MAK16: variants seen among roughly 807,000 people sequenced by gnomAD.
MAK16 encodes MAK16 homolog.
In MAK16, 12 loss-of-function variants were observed where a neutral mutation model predicts 49.9. That is an observed-to-expected ratio of 0.24 (90% CI 0.15 to 0.39). The LOEUF (loss-of-function observed/expected upper bound fraction) is 0.39. Among genes scored for constraint, MAK16 ranks in the 10% least tolerant of loss-of-function variants. The pLI is 1.00. For synonymous variants in MAK16, 115 were observed against 126.4 expected (o/e 0.91, Z 0.60); for missense variants, 292 against 363.7 (o/e 0.80, Z 1.60).
rs1809037255 is a variant in MAK16 at position 33,500,534 on chromosome 8, T to C, written c.*1905T>C. ...GCTATGTTCATACTCTAAATCTGGA[T>C]ATTAAAATTGGAAGAGACTTCAAAG... On this transcript the variant is annotated 3_prime_UTR_variant, in exon 10 of 10. Transcript: ENST00000360128. The C allele has an allele frequency of 6.2e-7, 1 of 1,608,472 alleles. No individual in the cohort carries two copies. Among genetic ancestry groups the C allele is most frequent in the African/African-American group, 1.3e-5 (1 of 74,652 alleles).
At chr8:33,490,069 T>C (rs1808753026) in intron 5 of MAK16, among the ~76,000 whole-genome samples, 1 of 152,204 alleles carries the variant, frequency 6.6e-6, no homozygotes, top group Admixed American at 6.5e-5. Context: ...GTTTAGTGTA[T>C]CTTGCTGTAT....
chr8:33,499,910 A>G lies in MAK16; in HGVS notation c.*1281A>G, dbSNP rs1809002462. On this transcript the variant is annotated 3_prime_UTR_variant, in exon 10 of 10. Transcript: ENST00000360128. ...TAAGAATAGGGAAAAACATCTACCTAAAAGATGGTTGTCCCTAAAAAACTG... is the reference window on the plus strand; with the variant it reads ...TAAGAATAGGGAAAAACATCTACCTGAAAGATGGTTGTCCCTAAAAAACTG... 6.3e-6 allele frequency: 1 copy of G among 158,824 alleles called. No homozygotes were observed. The highest frequency in any genetic ancestry group is 2.4e-5 in the African/African-American group (1 of 41,500). 9.8% of individuals were successfully genotyped at this position (158,824 alleles called of 1,614,324 possible).
chr8:33,498,365 C>T, intron 9 of MAK16, 67 bp from the exon 10 acceptor site: 1 of 1,391,450 alleles, frequency 7.2e-7, no homozygotes, highest in Non-Finnish European at 1.0e-6. Flanking sequence ...ATTGAGGGGA[C>T]AAGGAAGGGA....
chr8:33,501,250 AT>A lies in MAK16; in HGVS notation c.*2624del, dbSNP rs1214665442. On this transcript the variant is annotated 3_prime_UTR_variant, in exon 10 of 10. Coordinates refer to ENST00000360128, the MANE Select transcript of MAK16 (RefSeq NM_032509.4). ...CAATGTGAAATGTACAATAAATCAT[AT>A]TTATGGACAGATGCGTGACTGGGAG... 2 of 152,214 alleles carry A rather than the reference AT, an allele frequency of 1.3e-5. No individual in the cohort carries two copies. The highest frequency in any genetic ancestry group is 4.8e-5 in the African/African-American group (2 of 41,458). 9.4% of individuals were successfully genotyped at this position (152,214 alleles called of 1,614,324 possible). A position where few individuals can be genotyped will look rare whatever the true frequency, so the allele number is the denominator to read the frequency against.
At chr8:33,486,265 G>A (rs1808684975) in intron 1 of MAK16, among the ~76,000 whole-genome samples, 1 of 152,154 alleles carries the variant, frequency 6.6e-6, no homozygotes, top group South Asian at 2.1e-4. Flanking sequence ...GACAAAGGTT[G>A]CTTCAAGCCA....
intron 6 of MAK16, among the ~76,000 whole-genome samples, chr8:33,491,185 T>C (rs1183031662): frequency 6.6e-6 from 1 of 152,230 alleles, no homozygotes; most frequent in Non-Finnish European, 1.5e-5. Context: ...CATTCATCTA[T>C]TGATGGACAC....
intron 9 of MAK16, 43 bp from the exon 10 acceptor site, chr8:33,498,389 T>C (rs776509764): frequency 2.5e-5 from 39 of 1,575,132 alleles, no homozygotes; most frequent in South Asian, 4.5e-5. Flanking sequence ...TGGAGAAATC[T>C]AGTGTTTTCC....
At chr8:33,490,393 T>C in intron 6 of MAK16, 54 bp downstream of exon 6, 1 of 1,403,678 alleles carries the variant, frequency 7.1e-7, no homozygotes, top group Non-Finnish European at 1.0e-6. Flanking sequence ...TGGGGGTCTC[T>C]TATAGATTCA....
At chr8:33,498,232 ACTGCACTC>A (rs1345896645) in intron 9 of MAK16, among the ~76,000 whole-genome samples, 192 bp from the exon 10 acceptor site, 1 of 144,072 alleles carries the variant, frequency 6.9e-6, no homozygotes, top group African/African-American at 2.6e-5. Flanking sequence ...TGACTATGCC[ACTGCACTC>A]CTGCTTGGGC....
intron 6 of MAK16, among the ~76,000 whole-genome samples, chr8:33,494,934 A>G (rs560662997): frequency 6.6e-6 from 1 of 152,258 alleles, no homozygotes; most frequent in South Asian, 2.1e-4. Context: ...GCCCGCTAAC[A>G]TGCCTGGCTA....
intron 8 of MAK16, 33 bp downstream of exon 8, chr8:33,496,774 A>G (rs1195977161): frequency 6.9e-7 from 1 of 1,452,394 alleles, no homozygotes; most frequent in South Asian, 1.2e-5. Flanking sequence ...CAAACCTACT[A>G]GATACCATTT....
chr8:33,488,366 T>A lies in MAK16; in HGVS notation c.16-12T>A. ...CAGAGGATTTGAAATGGGCTTTTAC[T>A]TTGTCTTGCAGGTTATCTGGGATAC... On this transcript the variant is annotated splice_polypyrimidine_tract_variant and intron_variant, in intron 1 of 9. Transcript: ENST00000360128. The A allele has an allele frequency of 6.2e-7, 1 of 1,614,120 alleles. No individual in the cohort carries two copies. The highest frequency in any genetic ancestry group is 8.5e-7 in the Non-Finnish European group (1 of 1,179,946).
chr8:33,499,058 A>G lies in MAK16; in HGVS notation c.*429A>G, dbSNP rs1407475742. The G allele has an allele frequency of 4.6e-6, 4 of 868,922 alleles. No homozygotes were observed. The highest frequency in any genetic ancestry group is 5.6e-6 in the Non-Finnish European group (3 of 531,868). The allele number at this position is 868,922 out of a possible 1,614,324, so 53.8% of individuals were successfully genotyped here. On this transcript the variant is annotated 3_prime_UTR_variant, in exon 10 of 10. Transcript: ENST00000360128. ...GTAAAAGGAAAGGAAGGAAGGAAAAAGCAGCTTTCACTTACAAAGTTTCGT... is the reference window on the plus strand; with the variant it reads ...GTAAAAGGAAAGGAAGGAAGGAAAAGGCAGCTTTCACTTACAAAGTTTCGT...
At position 33,488,781 on chromosome 8, in the gene MAK16, C is replaced by T. The variant is rs201792551; in HGVS notation, c.223C>T (p.Arg75Trp). Residue 75 changes from arginine to tryptophan, a missense_variant, in exon 4 of 10, where the codon CGG becomes TGG. Transcript: ENST00000360128. ...MKVIERAAFP[R>W]RLWERVRLSK... is the part of the protein sequence containing the mutation. ...GGTTATAGAACGAGCGGCTTTTCCT[C>T]GGCGTCTCTGGGAACGGGTAAGCCT... is the stretch of plus-strand genomic sequence containing the variant. 2.0e-5 allele frequency: 32 copies of T among 1,614,174 alleles called. No homozygotes were observed. The highest frequency in any genetic ancestry group is 4.5e-5 in the East Asian group (2 of 44,880).
chr8:33,495,502 C>A, intron 6 of MAK16, 40 bp from the exon 7 acceptor site: 1 of 1,511,298 alleles, frequency 6.6e-7, no homozygotes, highest in Non-Finnish European at 9.2e-7. Context: ...GAGTAATGAG[C>A]ACTGATGAAT....
In MAK16 at chr8:33,488,749, A is replaced by G. The variant is rs754841811; in HGVS notation, c.191A>G (p.Tyr64Cys). The G allele has an allele frequency of 4.3e-6, 7 of 1,614,238 alleles. No individual in the cohort carries two copies. The highest frequency in any genetic ancestry group is 5.9e-6 in the Non-Finnish European group (7 of 1,180,034). The change falls in exon 4 of 10, where the codon TAT (tyrosine) becomes TGT (cysteine). Residue 64 changes from tyrosine (Y) to cysteine (C), a missense_variant. Transcript: ENST00000360128. Reference sequence around the variant, plus strand: ...TTATCTTCAGGACAGTGCTACTTGTATATGAAGGTTATAGAACGAGCGGCT... The same window carrying G: ...TTATCTTCAGGACAGTGCTACTTGTGTATGAAGGTTATAGAACGAGCGGCT... The part of the protein sequence containing the change: ...IKEEKGQCYL[Y>C]MKVIERAAFP...
intron 1 of MAK16, among the ~76,000 whole-genome samples, chr8:33,487,143 A>G (rs555931368): frequency 7.1e-4 from 108 of 152,142 alleles, no homozygotes; most frequent in Non-Finnish European, 1.1e-3. Flanking sequence ...TACGCATGCT[A>G]TGTGGCCTTT....
At chr8:33,485,298 C>T (rs1013847356) in intron 1 of MAK16, 77 bp downstream of exon 1, 3 of 1,584,672 alleles carry the variant, frequency 1.9e-6, no homozygotes, top group African/African-American at 2.7e-5. Context: ...TTAGAAAACG[C>T]GTACGCAGCG....
chr8:33,489,736 C>T lies in MAK16; in HGVS notation c.393-549C>T, dbSNP rs1373673009. On this transcript the variant is annotated intron_variant, in intron 5 of 9. Transcript: ENST00000360128. This position sits in a 1 kb window ranked among gnomAD's most constrained non-coding sequence, Gnocchi z 4.2. ...TTAACTTTAGAGATTTGAAAATGATCTAAGACATGTGACTATACAGGAATG... is the reference window on the plus strand; with the variant it reads ...TTAACTTTAGAGATTTGAAAATGATTTAAGACATGTGACTATACAGGAATG... Among the ~76,000 whole-genome samples the T allele has an allele frequency of 6.6e-6, 1 of 152,152 alleles. No individual in the cohort carries two copies. Among genetic ancestry groups the T allele is most frequent in the Non-Finnish European group, 1.5e-5 (1 of 68,028 alleles).
Sources: allele counts gnomAD v4.1 joint callset (sites outside exome capture counted in the v4.1 genomes callset), GRCh38; gene constraint gnomAD v4.1.1; non-coding constraint Gnocchi (gnomAD v3.1); transcripts MANE v1.5; gene names NCBI Gene and HGNC (gene_info 2026-07-23, HGNC 2026-07-21).